IDH3G: variants seen among roughly 807,000 people sequenced by gnomAD.
The protein encoded by IDH3G is isocitrate dehydrogenase (NAD(+)) 3 non-catalytic subunit gamma, also known as isocitrate dehydrogenase [NAD] subunit gamma, mitochondrial.
IDH3G carries 9 observed loss-of-function variants against 26.9 expected under a neutral mutation model. That is an observed-to-expected ratio of 0.34 (90% CI 0.20 to 0.58). The LOEUF is 0.58. IDH3G is among the 20% of genes least tolerant of loss of function. IDH3G has a pLI of 0.85. For missense variants in IDH3G, 250 were observed against 372.8 expected, an observed-to-expected ratio of 0.67 and a Z score of 2.71; for synonymous variants, 181 against 160.0, an observed-to-expected ratio of 1.13 and a Z score of -0.99.
At position 153,790,553 on chromosome X, in the gene IDH3G, A is replaced by G; in HGVS notation, c.135+11T>C. ...GCCCCCCAAACCTAACAGGCAGAGAAGAATACTCACAATTGTTTGTTCCTA... is the reference window on the plus strand; with the variant it reads ...GCCCCCCAAACCTAACAGGCAGAGAGGAATACTCACAATTGTTTGTTCCTA... On this transcript the variant is annotated intron_variant, in intron 3 of 12. Coordinates refer to ENST00000217901, the MANE Select transcript of IDH3G (RefSeq NM_004135.4). 1 of 1,207,837 alleles carries G rather than the reference A, an allele frequency of 8.3e-7. No individual in the cohort carries two copies. Among genetic ancestry groups the G allele is most frequent in the Non-Finnish European group, 1.1e-6 (1 of 891,910 alleles).
At position 153,785,771 on chromosome X, in the gene IDH3G, G is replaced by A; in HGVS notation, c.*101C>T. On this transcript the variant is annotated 3_prime_UTR_variant, in exon 13 of 13. Transcript: ENST00000217901. The stretch of plus-strand genomic sequence containing the variant: ...TGAGGGAGGCCCACGCCAAGTCTAG[G>A]GAGAAGGTGCTTTATTCTGGGATCT... 1.0e-6 allele frequency: 1 copy of A among 1,001,974 alleles called. No individual in the cohort carries two copies. Among genetic ancestry groups the A allele is most frequent in the Non-Finnish European group, 1.4e-6 (1 of 718,006 alleles). 82.6% of individuals were successfully genotyped at this position (1,001,974 alleles called of 1,213,427 possible).
chrX:153,788,732 C>A (rs1557069761), intron 5 of IDH3G, among the ~76,000 whole-genome samples: 2 of 113,245 alleles, frequency 1.8e-5, no homozygotes, highest in African/African-American at 6.4e-5. Context: ...GCGCGGGGGT[C>A]CCCTGTGGCT....
Position 153,787,613 on chromosome X carries a change from G to A in IDH3G, c.541-16C>T. 1 of 1,208,489 alleles carries A rather than the reference G, an allele frequency of 8.3e-7. No homozygotes were observed. The highest frequency in any genetic ancestry group is 1.1e-6 in the Non-Finnish European group (1 of 893,913). On this transcript the variant is annotated splice_polypyrimidine_tract_variant and intron_variant, in intron 7 of 12. Transcript: ENST00000217901. ...CCGCCACACTCTGAGGAGGGCATGG[G>A]GAGAAGAGACCCATGTGCTACTGAA... is the stretch of plus-strand genomic sequence containing the variant.
chrX:153,788,833 G>T (rs868938689), intron 5 of IDH3G, among the ~76,000 whole-genome samples: 11 of 113,017 alleles, frequency 9.7e-5, no homozygotes, highest in Non-Finnish European at 1.7e-4. Context: ...TGCAAGTAAT[G>T]GGCTGAGTGT....
Position 153,786,791 on chromosome X carries a change from C to T in IDH3G, c.924+10G>A, listed in dbSNP as rs1557069269. 1.8e-5 allele frequency: 22 copies of T among 1,196,503 alleles called. No homozygotes were observed. In the Admixed American group the frequency reaches 2.0e-4, roughly 11 times the overall value. On this transcript the variant is annotated intron_variant, in intron 10 of 12. Coordinates refer to ENST00000217901, the MANE Select transcript of IDH3G (RefSeq NM_004135.4). ...AGGCGGCAAGCCGCGGCACTGCCAC[C>T]GGCACTCACTGTTTCAAACACCGCG...
chrX:153,790,320 C>G (rs782786052), intron 3 of IDH3G, 28 bp from the exon 4 acceptor site: 17 of 1,135,904 alleles, frequency 1.5e-5, no homozygotes, highest in Non-Finnish European at 1.9e-5. Flanking sequence ...TGAAGGTGGG[C>G]CTTCGGGGAT....
At chrX:153,791,542 G>C (rs961169147) in intron 1 of IDH3G, among the ~76,000 whole-genome samples, 4 of 112,719 alleles carry the variant, frequency 3.5e-5, no homozygotes, top group African/African-American at 1.3e-4. Context: ...TGGAAATGCC[G>C]GACAGCTTCA....
chrX:153,794,177 T>C (rs1216641863), intron 1 of IDH3G, 69 bp downstream of exon 1: 36 of 1,092,874 alleles, frequency 3.3e-5, no homozygotes, highest in Non-Finnish European at 4.0e-5. Context: ...TCCAGACTGC[T>C]TCGGGTGCGG....
intron 7 of IDH3G, 22 bp from the exon 8 acceptor site, chrX:153,787,619 G>A: frequency 8.3e-7 from 1 of 1,206,910 alleles, no homozygotes; most frequent in Non-Finnish European, 1.1e-6. Flanking sequence ...ATGGGGAGAA[G>A]AGACCCATGT....
intron 1 of IDH3G, among the ~76,000 whole-genome samples, chrX:153,792,002 C>T (rs1228688947): frequency 1.8e-5 from 2 of 112,324 alleles, no homozygotes; most frequent in South Asian, 3.6e-4. Flanking sequence ...TTCTCTCTAG[C>T]GCTTATCAAC....
chrX:153,792,077 T>C (rs2092111165), intron 1 of IDH3G, among the ~76,000 whole-genome samples: 1 of 112,072 alleles, frequency 8.9e-6, no homozygotes, highest in African/African-American at 3.2e-5. Context: ...TGGACCTTCC[T>C]CCAGGGAGCT....
rs782595632 is a variant in IDH3G at position 153,790,268 on chromosome X, G to A, written c.160C>T (p.Arg54Trp). The A allele has an allele frequency of 3.3e-6, 4 of 1,207,867 alleles. No individual in the cohort carries two copies. Among genetic ancestry groups the A allele is most frequent in the Admixed American group, 2.2e-5 (1 of 45,974 alleles). Reference protein sequence around the residue: ...TIPPSAKYGGRHTVTMIPGDG... With the variant: ...TIPPSAKYGGWHTVTMIPGDG... The stretch of plus-strand genomic sequence containing the variant: ...CCTGGGATCATGGTCACCGTGTGCC[G>A]CCCGCCATACTTAGCGGACGGAGGC... Residue 54 changes from arginine to tryptophan, a missense_variant, in exon 4 of 13, where the codon CGG becomes TGG. Physicochemically the swap from Arg to Trp is moderately radical, Grantham distance 101. Around this residue, in one of 2 missense-constraint regions of IDH3G, gnomAD observed 201 missense variants for 331.3 expected, o/e 0.61. Transcript: ENST00000217901.
intron 1 of IDH3G, 147 bp downstream of exon 1, chrX:153,794,099 G>A (rs1443919425): frequency 2.0e-5 from 12 of 612,389 alleles, no homozygotes; most frequent in Non-Finnish European, 2.6e-5. Flanking sequence ...AGTGACAGCG[G>A]AGGCGGCCAA....
intron 1 of IDH3G, among the ~76,000 whole-genome samples, chrX:153,791,915 G>A (rs2092110604): frequency 1.8e-5 from 2 of 112,539 alleles, no homozygotes; most frequent in Admixed American, 1.9e-4. Flanking sequence ...GTGGCACCTG[G>A]ATCTGCAAGC....
chrX:153,786,695 C>A lies in IDH3G; in HGVS notation c.924+106G>T, dbSNP rs111532346. 4.1e-6 allele frequency: 4 copies of A among 966,266 alleles called. No homozygotes were observed. In the African/African-American group the frequency reaches 7.7e-5, roughly 19 times the overall value. The allele number at this position is 966,266 out of a possible 1,213,427, so 79.6% of individuals were successfully genotyped here. A position where few individuals can be genotyped will look rare whatever the true frequency, so the allele number is the denominator to read the frequency against. ...ACAACCCTGGATATCCAAAAAACTA[C>A]TAAATCATGCATTTTGAACGGGCTA... On this transcript the variant is annotated intron_variant, in intron 10 of 12. Transcript: ENST00000217901.
At chrX:153,789,530 C>G (rs41311380) in intron 5 of IDH3G, among the ~76,000 whole-genome samples, 182 bp downstream of exon 5, 1 of 112,518 alleles carries the variant, frequency 8.9e-6, no homozygotes, top group Non-Finnish European at 1.9e-5. Context: ...GGCGACAGAG[C>G]GAGACCCCAT....
chrX:153,785,873 T>C lies in IDH3G; in HGVS notation c.1181A>G (p.Ter394TrpextTer?). Reference sequence around the variant, plus strand: ...AACCAAGAAGGTCCTAGGGCCAGCCTAGGCCTCCACGGCCCGGCCGTTGAT... The same window carrying C: ...AACCAAGAAGGTCCTAGGGCCAGCCCAGGCCTCCACGGCCCGGCCGTTGAT... ...RVINGRAVEA* is the reference protein window; with the variant it reads ...RVINGRAVEAW The change falls in exon 13 of 13, where the codon TAG (stop) becomes TGG (tryptophan). Residue 394 changes from the stop codon to tryptophan (W), a stop_lost. Coordinates refer to ENST00000217901, the MANE Select transcript of IDH3G (RefSeq NM_004135.4). 1 of 1,210,915 alleles carries C rather than the reference T, an allele frequency of 8.3e-7. No homozygotes were observed. The highest frequency in any genetic ancestry group is 1.1e-6 in the Non-Finnish European group (1 of 895,210).
chrX:153,793,374 G>A (rs1010174408), intron 1 of IDH3G: 1 of 112,190 alleles, frequency 8.9e-6, no homozygotes, highest in African/African-American at 3.2e-5. Context: ...ATGGCAAGTA[G>A]AGATGTCCCT....
chrX:153,792,951 G>A (rs782065989), intron 1 of IDH3G, among the ~76,000 whole-genome samples: 1 of 112,566 alleles, frequency 8.9e-6, no homozygotes, highest in South Asian at 3.6e-4. Flanking sequence ...CACATCTTAT[G>A]CCTGCTGAGG....
Sources: gnomAD v4.1 joint callset for allele counts (sites outside exome capture counted in the v4.1 genomes callset) on GRCh38, gnomAD v4.1.1 for gene constraint, gnomAD v4.1.1 regional missense constraint, MANE v1.5 for transcripts, NCBI Gene and HGNC (gene_info 2026-07-23, HGNC 2026-07-21) for gene names.